DLGAP3: variants seen among roughly 807,000 people sequenced by gnomAD.
The protein encoded by DLGAP3 is DLG associated protein 3.
In DLGAP3, 17 loss-of-function variants were observed where a neutral mutation model predicts 81.2. The observed-to-expected ratio is 0.21, with a 90% CI of 0.14 to 0.31. DLGAP3 has a LOEUF of 0.31. Ranked by LOEUF, DLGAP3 falls within the 10% of genes least tolerant of loss-of-function variation. The probability of loss-of-function intolerance (pLI) is 1.00; values close to 1 mark genes in which losing one functional copy is unlikely to be tolerated. For synonymous variants in DLGAP3, 577 were observed against 587.4 expected (o/e 0.98, Z 0.26); for missense variants, 1,124 against 1,388.0 (o/e 0.81, Z 3.02).
intron 2 of DLGAP3, 98 bp from the exon 3 acceptor site, chr1:34,905,532 A>G: frequency 1.2e-6 from 1 of 824,382 alleles, no homozygotes; most frequent in Non-Finnish European, 1.8e-6. Flanking sequence ...GGTAATACAT[A>G]TCAATTTATT....
At chr1:34,877,186 G>A (rs1639071197) in intron 8 of DLGAP3, among the ~76,000 whole-genome samples, 1 of 152,204 alleles carries the variant, frequency 6.6e-6, no homozygotes, top group Admixed American at 6.5e-5. Flanking sequence ...GGGAGGATGA[G>A]AGGAGAGACC....
chr1:34,911,949 T>G (rs1263086998), intron 1 of DLGAP3, among the ~76,000 whole-genome samples: 2 of 152,216 alleles, frequency 1.3e-5, no homozygotes, highest in Admixed American at 1.3e-4. Flanking sequence ...ACAAACTCTC[T>G]TGATTAAAGC....
At chr1:34,879,069 C>CA (rs1336780635) in intron 8 of DLGAP3, among the ~76,000 whole-genome samples, 168 of 67,720 alleles carry the variant, frequency 2.5e-3, no homozygotes, top group African/African-American at 6.4e-3. Context: ...GACTCTGCCT[C>CA]AAAAAAAAAA....
At chr1:34,917,279 C>G (rs558926511) in intron 1 of DLGAP3, among the ~76,000 whole-genome samples, 4 of 152,072 alleles carry the variant, frequency 2.6e-5, no homozygotes, top group Non-Finnish European at 4.4e-5. Flanking sequence ...TACCCAGACC[C>G]ACACAAACTT....
Position 34,865,637 on chromosome 1 carries a change from G to C in DLGAP3, c.*446C>G. ...GGCTGAGGATGGAGCCCCTGGGAGGGTGGGGCGGGCTCCTAGGCAGGGTTC... is the reference window on the plus strand; with the variant it reads ...GGCTGAGGATGGAGCCCCTGGGAGGCTGGGGCGGGCTCCTAGGCAGGGTTC... On this transcript the variant is annotated 3_prime_UTR_variant, in exon 12 of 12. Transcript: ENST00000373347. The C allele has an allele frequency of 3.7e-6, 1 of 269,070 alleles. No individual in the cohort carries two copies. The highest frequency in any genetic ancestry group is 3.1e-5 in the South Asian group (1 of 31,958). The allele number at this position is 269,070 out of a possible 1,614,324, so 16.7% of individuals were successfully genotyped here. A position where few individuals can be genotyped will look rare whatever the true frequency, so the allele number is the denominator to read the frequency against.
rs1187828553 is a variant in DLGAP3, at chr1:34,929,424, C to A, written c.-135+27G>T. ...TGCAGAGGGAGCCGCGAGCGCGGCC[C>A]CGTCCCCACTCCTCCCCGCGGCTTA... is the stretch of plus-strand genomic sequence containing the variant. On this transcript the variant is annotated intron_variant, in intron 1 of 11. Transcript: ENST00000373347. The surrounding 1 kb of genome is among the most constrained non-coding windows in gnomAD (Gnocchi z 6.5). 6.7e-6 allele frequency: 1 copy of A among 148,238 alleles called. No homozygotes were observed. Among genetic ancestry groups the A allele is most frequent in the Non-Finnish European group, 1.5e-5 (1 of 66,414 alleles). 9.2% of individuals were successfully genotyped at this position (148,238 alleles called of 1,614,324 possible). A position where few individuals can be genotyped will look rare whatever the true frequency, so the allele number is the denominator to read the frequency against.
At chr1:34,874,845 AG>A (rs1303901924) in intron 8 of DLGAP3, among the ~76,000 whole-genome samples, 2 of 145,124 alleles carry the variant, frequency 1.4e-5, no homozygotes, top group African/African-American at 2.5e-5. Context: ...GTGGGCAGGG[AG>A]GGGGAAGGAC....
At chr1:34,927,261 T>C (rs1639889272) in intron 1 of DLGAP3, among the ~76,000 whole-genome samples, 1 of 152,038 alleles carries the variant, frequency 6.6e-6, no homozygotes, top group Non-Finnish European at 1.5e-5. Flanking sequence ...CTGATGGGGG[T>C]GGGGAGAGTT....
In DLGAP3 at chr1:34,900,401, G is replaced by C; in HGVS notation, c.1108-128C>G. The C allele has an allele frequency of 4.2e-6, 4 of 944,444 alleles. No homozygotes were observed. The South Asian group carries it at 5.4e-5, about 13-fold the overall frequency. The allele number at this position is 944,444 out of a possible 1,614,324, so 58.5% of individuals were successfully genotyped here. On this transcript the variant is annotated intron_variant, in intron 3 of 11. Coordinates refer to ENST00000373347, the MANE Select transcript of DLGAP3 (RefSeq NM_001080418.3). This position sits in a 1 kb window ranked among gnomAD's most constrained non-coding sequence, Gnocchi z 5.6. ...ACAGGCACACTCAGGTACATGCAGA[G>C]GCAGAAGGGGAGGTAGGGTCTCAGG...
chr1:34,909,425 G>A (rs1190921878), intron 1 of DLGAP3, among the ~76,000 whole-genome samples: 1 of 152,082 alleles, frequency 6.6e-6, no homozygotes, highest in Non-Finnish European at 1.5e-5. Context: ...TAGCAGAGGC[G>A]GCCTACCCTC....
intron 1 of DLGAP3, among the ~76,000 whole-genome samples, chr1:34,919,153 G>A (rs1639763616): frequency 6.6e-6 from 1 of 152,130 alleles, no homozygotes. Flanking sequence ...GAGGAGAGAG[G>A]CAAGAGGCCC....
rs1638896248 is a variant in DLGAP3, at chr1:34,867,119, C to T, written c.2650G>A (p.Glu884Lys). 1.9e-6 allele frequency: 3 copies of T among 1,614,018 alleles called. No homozygotes were observed. The highest frequency in any genetic ancestry group is 3.3e-5 in the Admixed American group (2 of 60,004). ...TCCAGGAACTTGAGGGTCACATCCT[C>T]GATGGAGAGCTGTAGGAGGTCCCAG... is the stretch of plus-strand genomic sequence containing the variant. ...GFWDLLQLSIEDVTLKFLELQ... is the reference protein window; with the variant it reads ...GFWDLLQLSIKDVTLKFLELQ... The change falls in exon 11 of 12, where the codon GAG becomes AAG. Residue 884 changes from glutamate to lysine, a missense_variant. Glu to Lys is a moderately conservative substitution (Grantham distance 56). Around this residue, in one of 9 missense-constraint regions of DLGAP3, gnomAD observed 133 missense variants for 171.1 expected, o/e 0.78. Transcript: ENST00000373347. The surrounding 1 kb of genome is among the most constrained non-coding windows in gnomAD (Gnocchi z 4.3).
rs1193214204 is a variant in DLGAP3 at position 34,868,909 on chromosome 1, G to A, written c.2181C>T (p.Val727=). Residue 727 remains valine, a synonymous_variant, in exon 9 of 12, where the codon GTC becomes GTT. Transcript: ENST00000373347. The surrounding 1 kb of genome is among the most constrained non-coding windows in gnomAD (Gnocchi z 7.5). ...QPGPRAPTYS[V]FRTVHTQGQW... is the part of the protein sequence containing the mutation. ...GGCCCTGCGTGTGGACCGTGCGGAA[G>A]ACTGAGTAGGTGGGGGCCCGGGGCC... The A allele has an allele frequency of 6.2e-7, 1 of 1,607,644 alleles. No individual in the cohort carries two copies. Among genetic ancestry groups the A allele is most frequent in the Non-Finnish European group, 8.5e-7 (1 of 1,179,700 alleles).
chr1:34,915,783 G>C (rs1639708591), intron 1 of DLGAP3, among the ~76,000 whole-genome samples: 1 of 152,168 alleles, frequency 6.6e-6, no homozygotes, highest in Non-Finnish European at 1.5e-5. Context: ...TTTCAGAGAA[G>C]ACAGCCAGGA....
At chr1:34,908,533 A>T (rs1053280851) in intron 1 of DLGAP3, among the ~76,000 whole-genome samples, 21 of 152,172 alleles carry the variant, frequency 1.4e-4, no homozygotes, top group African/African-American at 4.3e-4. Context: ...AAAATCAGAA[A>T]GGAAGACGAC....
At chr1:34,921,049 G>A (rs1226983190) in intron 1 of DLGAP3, among the ~76,000 whole-genome samples, 2 of 152,190 alleles carry the variant, frequency 1.3e-5, no homozygotes, top group Non-Finnish European at 2.9e-5. Flanking sequence ...GAGCATTTCA[G>A]GCTGAGGGGA....
At chr1:34,870,493 C>T (rs1056763244) in intron 8 of DLGAP3, among the ~76,000 whole-genome samples, 5 of 151,602 alleles carry the variant, frequency 3.3e-5, no homozygotes, top group Non-Finnish European at 5.9e-5. Context: ...TCTTGCTGCC[C>T]AGGCCTTCTC....
intron 1 of DLGAP3, among the ~76,000 whole-genome samples, chr1:34,928,922 C>T (rs764954151): frequency 6.6e-6 from 1 of 151,980 alleles, no homozygotes; most frequent in Non-Finnish European, 1.5e-5. Flanking sequence ...GCTGCATACA[C>T]CCACTAACAT....
chr1:34,924,890 T>C (rs534052682), intron 1 of DLGAP3, among the ~76,000 whole-genome samples: 13 of 152,280 alleles, frequency 8.5e-5, no homozygotes, highest in Non-Finnish European at 1.8e-4. Flanking sequence ...CCTTGGAAAG[T>C]GGGTCATCTG....
Sources: gnomAD v4.1 joint callset for allele counts (sites outside exome capture counted in the v4.1 genomes callset) on GRCh38, gnomAD v4.1.1 for gene constraint, gnomAD v4.1.1 regional missense constraint, Gnocchi (gnomAD v3.1) non-coding constraint, MANE v1.5 for transcripts, NCBI Gene and HGNC (gene_info 2026-07-23, HGNC 2026-07-21) for gene names.